CNTN5: variants seen among roughly 807,000 people sequenced by gnomAD.
CNTN5 encodes the protein contactin 5.
In CNTN5, 77 loss-of-function variants were observed where a neutral mutation model predicts 129.1. The observed-to-expected ratio is 0.60, with a 90% CI of 0.50 to 0.72. The LOEUF (loss-of-function observed/expected upper bound fraction) is 0.72. Ranked by LOEUF, CNTN5 falls within the 30% of genes least tolerant of loss-of-function variation. The pLI is 0.00. For synonymous variants in CNTN5, 509 were observed against 465.6 expected, an observed-to-expected ratio of 1.09 and a Z score of -1.20; for missense variants, 1,478 against 1,328.8, an observed-to-expected ratio of 1.11 and a Z score of -1.75.
intron 13 of CNTN5, among the ~76,000 whole-genome samples, chr11:100,175,263 G>C (rs116194216): frequency 1.3e-3 from 193 of 152,074 alleles, no homozygotes; most frequent in African/African-American, 4.5e-3. Flanking sequence ...TTGTCAGCCC[G>C]GTGTGCTTCA....
At chr11:99,806,104 ACT>A (rs1491200561) in intron 3 of CNTN5, among the ~76,000 whole-genome samples, 1 of 152,160 alleles carries the variant, frequency 6.6e-6, no homozygotes, top group East Asian at 1.9e-4. Context: ...GTACAAGTGA[ACT>A]TTTTTTTCTT....
intron 13 of CNTN5, among the ~76,000 whole-genome samples, chr11:100,081,238 A>G (rs1944353642): frequency 6.6e-6 from 1 of 152,138 alleles, no homozygotes; most frequent in South Asian, 2.1e-4. Flanking sequence ...CAGTCATAGC[A>G]GCATTGGAAA....
At chr11:100,087,878 G>A (rs1944616991) in intron 13 of CNTN5, among the ~76,000 whole-genome samples, 1 of 151,666 alleles carries the variant, frequency 6.6e-6, no homozygotes, top group African/African-American at 2.4e-5. Flanking sequence ...TGGCCATAAA[G>A]CAAGTCTTAA....
intron 2 of CNTN5, among the ~76,000 whole-genome samples, chr11:99,365,168 G>A (rs1939366574): frequency 1.3e-5 from 2 of 152,126 alleles, no homozygotes; most frequent in Non-Finnish European, 2.9e-5. Context: ...CTTTGATACT[G>A]TACAATATTC....
intron 7 of CNTN5, among the ~76,000 whole-genome samples, chr11:99,932,451 C>G (rs1472733117): frequency 2.0e-5 from 3 of 152,074 alleles, no homozygotes; most frequent in Non-Finnish European, 4.4e-5. Flanking sequence ...CCTCAGCCTC[C>G]CAAAGTGCTG....
intron 7 of CNTN5, among the ~76,000 whole-genome samples, chr11:99,947,254 T>C (rs2136133964): frequency 6.6e-6 from 1 of 151,816 alleles, no homozygotes; most frequent in South Asian, 2.1e-4. Context: ...CAGCCAAAAC[T>C]TTCATGTTAT....
chr11:99,781,331 T>C (rs1419717543), intron 3 of CNTN5, among the ~76,000 whole-genome samples: 2 of 152,082 alleles, frequency 1.3e-5, no homozygotes, highest in African/African-American at 2.4e-5. Context: ...TTTTGTGAAA[T>C]GACTTATTTT....
intron 10 of CNTN5, among the ~76,000 whole-genome samples, chr11:100,068,238 A>G (rs975336440): frequency 6.6e-6 from 1 of 152,172 alleles, no homozygotes; most frequent in Non-Finnish European, 1.5e-5. Flanking sequence ...CAACTAAAAT[A>G]TTAAATAACA....
intron 2 of CNTN5, among the ~76,000 whole-genome samples, chr11:99,510,428 T>G (rs1946792112): frequency 6.6e-6 from 1 of 152,346 alleles, no homozygotes; most frequent in African/African-American, 2.4e-5. Flanking sequence ...ATCTGACTTC[T>G]AATATTACTG....
chr11:99,428,236 AT>A (rs1324630404), intron 2 of CNTN5, among the ~76,000 whole-genome samples: 1 of 150,662 alleles, frequency 6.6e-6, no homozygotes. Context: ...AACAAAAATT[AT>A]TTTTCTTTTA....
At position 100,356,250 on chromosome 11, in the gene CNTN5, C is replaced by T. The variant is rs1283061481; in HGVS notation, c.*30C>T. 1 of 1,461,116 alleles carries T rather than the reference C, an allele frequency of 6.8e-7. No individual in the cohort carries two copies. The highest frequency in any genetic ancestry group is 9.5e-7 in the Non-Finnish European group (1 of 1,052,574). 90.5% of individuals were successfully genotyped at this position (1,461,116 alleles called of 1,614,324 possible). A position where few individuals can be genotyped will look rare whatever the true frequency, so the allele number is the denominator to read the frequency against. On this transcript the variant is annotated 3_prime_UTR_variant, in exon 25 of 25. Coordinates refer to ENST00000524871, the MANE Select transcript of CNTN5 (RefSeq NM_014361.4). ...TGCTGACTTAATTTGCTTTTGTTTGCTTTAGCTTGGTAACAGCGGTGAATA... is the reference window on the plus strand; with the variant it reads ...TGCTGACTTAATTTGCTTTTGTTTGTTTTAGCTTGGTAACAGCGGTGAATA...
intron 9 of CNTN5, among the ~76,000 whole-genome samples, chr11:100,004,875 A>G (rs1565780140): frequency 6.6e-6 from 1 of 152,140 alleles, no homozygotes; most frequent in African/African-American, 2.4e-5. Context: ...TAGGAAATTT[A>G]TATCCTGACT....
At chr11:100,055,292 TC>T (rs1409671877) in intron 9 of CNTN5, among the ~76,000 whole-genome samples, 1 of 151,704 alleles carries the variant, frequency 6.6e-6, no homozygotes, top group Non-Finnish European at 1.5e-5. Context: ...TTCTTTTTTT[TC>T]ATTACATGCT....
chr11:100,049,426 T>G (rs1343682265), intron 9 of CNTN5, among the ~76,000 whole-genome samples: 2 of 151,770 alleles, frequency 1.3e-5, no homozygotes, highest in Non-Finnish European at 2.9e-5. Context: ...TACTAAAAAC[T>G]AATAAAAATA....
chr11:99,624,896 A>G (rs924221828), intron 3 of CNTN5, among the ~76,000 whole-genome samples: 2 of 152,154 alleles, frequency 1.3e-5, no homozygotes, highest in Admixed American at 1.3e-4. Flanking sequence ...CTAAAGGGAG[A>G]ATGTAGAAAA....
chr11:99,701,330 A>AT (rs1487083162), intron 3 of CNTN5, among the ~76,000 whole-genome samples: 1 of 151,194 alleles, frequency 6.6e-6, no homozygotes, highest in Non-Finnish European at 1.5e-5. Context: ...CTAGGAAAAA[A>AT]GTAGTTATTT....
intron 13 of CNTN5, among the ~76,000 whole-genome samples, chr11:100,188,531 A>G (rs111721698): frequency 0.011 from 1,672 of 152,306 alleles, 31 homozygotes; most frequent in African/African-American, 0.038. Flanking sequence ...AATCAAAGCC[A>G]TAATGAGACA....
intron 3 of CNTN5, among the ~76,000 whole-genome samples, chr11:99,672,727 TTAA>T (rs1290140774): frequency 6.6e-6 from 1 of 151,530 alleles, no homozygotes; most frequent in African/African-American, 2.4e-5. Context: ...GCCCTTTGAC[TTAA>T]TAACCTTCAT....
intron 3 of CNTN5, among the ~76,000 whole-genome samples, chr11:99,795,194 C>T (rs1000555530): frequency 1.3e-5 from 2 of 152,024 alleles, no homozygotes; most frequent in African/African-American, 4.8e-5. Context: ...GAGATTCTGC[C>T]CTCAGTTTGA....
Sources: allele counts gnomAD v4.1 joint callset (sites outside exome capture counted in the v4.1 genomes callset), GRCh38; gene constraint gnomAD v4.1.1; transcripts MANE v1.5; gene names NCBI Gene and HGNC (gene_info 2026-07-23, HGNC 2026-07-21).